IKZF2: variants seen among roughly 807,000 people sequenced by gnomAD.
The protein encoded by IKZF2 is IKAROS family zinc finger 2.
In IKZF2, 15 loss-of-function variants were observed where a neutral mutation model predicts 49.2. The observed-to-expected ratio is 0.30, with a 90% CI of 0.20 to 0.47. The LOEUF (loss-of-function observed/expected upper bound fraction) is 0.47, where lower values mean the gene tolerates loss of function less well. Ranked by LOEUF, IKZF2 falls within the 20% of genes least tolerant of loss-of-function variation. The pLI is 1.00. For synonymous variants in IKZF2, 227 were observed against 221.4 expected, an observed-to-expected ratio of 1.03 and a Z score of -0.23; for missense variants, 567 against 664.6, an observed-to-expected ratio of 0.85 and a Z score of 1.61.
intron 4 of IKZF2, among the ~76,000 whole-genome samples, chr2:213,143,901 G>T (rs1409927722): frequency 6.6e-6 from 1 of 151,896 alleles, no homozygotes; most frequent in Non-Finnish European, 1.5e-5. Flanking sequence ...ACCCTGAGAA[G>T]GTGACATTGT....
Position 213,000,644 on chromosome 2 carries a change from C to CTTA in IKZF2, c.*6713_*6715dup. 6.6e-6 allele frequency: 1 copy of CTTA among 150,414 alleles called. No homozygotes were observed. Among genetic ancestry groups the CTTA allele is most frequent in the South Asian group, 2.1e-4 (1 of 4,754 alleles). The allele number at this position is 150,414 out of a possible 1,614,324, so 9.3% of individuals were successfully genotyped here. ...ATATGTATAAGAAAAATACCTCTTA[C>CTTA]TTAAATTTGTATGAAAACAGGACTG... is the stretch of plus-strand genomic sequence containing the variant. On this transcript the variant is annotated 3_prime_UTR_variant, in exon 9 of 9. Coordinates refer to ENST00000434687, the MANE Select transcript of IKZF2 (RefSeq NM_001387220.1).
intron 4 of IKZF2, among the ~76,000 whole-genome samples, chr2:213,081,963 T>C (rs1465424239): frequency 6.6e-6 from 1 of 152,124 alleles, no homozygotes; most frequent in East Asian, 1.9e-4. Flanking sequence ...GGTCCTTAAA[T>C]AAGTTTAAAT....
At chr2:213,021,598 A>C (rs1271869428) in intron 7 of IKZF2, 2 of 341,324 alleles carry the variant, frequency 5.9e-6, no homozygotes, top group East Asian at 1.8e-4. Flanking sequence ...CATAAAAATT[A>C]AAGGGCCGAT....
At chr2:213,053,397 A>G (rs1700856890) in intron 5 of IKZF2, among the ~76,000 whole-genome samples, 1 of 152,148 alleles carries the variant, frequency 6.6e-6, no homozygotes, top group South Asian at 2.1e-4. Flanking sequence ...TCAATATTTT[A>G]TGTACCTTCA....
At chr2:213,068,994 C>T (rs1161987630) in intron 4 of IKZF2, among the ~76,000 whole-genome samples, 1 of 151,756 alleles carries the variant, frequency 6.6e-6, no homozygotes, top group Non-Finnish European at 1.5e-5. Flanking sequence ...ACAACCTTCA[C>T]AAAAAGCATA....
intron 8 of IKZF2, 144 bp downstream of exon 8, chr2:213,013,647 G>T: frequency 1.4e-6 from 1 of 691,676 alleles, no homozygotes; most frequent in Non-Finnish European, 2.4e-6. Context: ...CAGAATGTCA[G>T]AGAGTAAAAA....
chr2:213,142,396 C>A (rs1416575504), intron 4 of IKZF2, among the ~76,000 whole-genome samples: 1 of 151,792 alleles, frequency 6.6e-6, no homozygotes, highest in Non-Finnish European at 1.5e-5. Flanking sequence ...AGCAAAAGAC[C>A]CAGATTTCAA....
intron 6 of IKZF2, among the ~76,000 whole-genome samples, chr2:213,045,289 A>G (rs1700047219): frequency 6.6e-6 from 1 of 152,250 alleles, no homozygotes; most frequent in Admixed American, 6.5e-5. Context: ...TGCTAACTGT[A>G]GATGCAGTTT....
chr2:213,019,115 A>G (rs982099866), intron 7 of IKZF2, among the ~76,000 whole-genome samples: 1 of 152,172 alleles, frequency 6.6e-6, no homozygotes, highest in African/African-American at 2.4e-5. Flanking sequence ...ATGTTTTCTG[A>G]GTAAAGTGAA....
chr2:213,020,450 G>T (rs1697082912), intron 7 of IKZF2, among the ~76,000 whole-genome samples: 1 of 151,922 alleles, frequency 6.6e-6, no homozygotes, highest in Non-Finnish European at 1.5e-5. Context: ...GCCAGAGCAG[G>T]TTTGGCAGAC....
At chr2:213,092,428 T>G (rs1350038325) in intron 4 of IKZF2, among the ~76,000 whole-genome samples, 1 of 152,160 alleles carries the variant, frequency 6.6e-6, no homozygotes, top group Non-Finnish European at 1.5e-5. Context: ...TATAGCTGGC[T>G]AGAGTTCTCA....
intron 8 of IKZF2, among the ~76,000 whole-genome samples, chr2:213,010,374 A>C (rs1695815148): frequency 6.6e-6 from 1 of 152,056 alleles, no homozygotes; most frequent in Admixed American, 6.6e-5. Flanking sequence ...AGATCAGGGA[A>C]AGTGGGGTTT....
chr2:213,056,190 T>C (rs190532106), intron 5 of IKZF2, among the ~76,000 whole-genome samples: 20 of 152,244 alleles, frequency 1.3e-4, no homozygotes, highest in African/African-American at 4.8e-4. Flanking sequence ...TATGAATTAA[T>C]CTGTGGGCTT....
rs181953639 is a variant in IKZF2 at position 213,042,702 on chromosome 2, T to C, written c.574+7011A>G. 5.9e-5 allele frequency among the ~76,000 whole-genome samples: 9 copies of C among 152,186 alleles called. No homozygotes were observed. The East Asian group carries it at 1.7e-3, about 29-fold the overall frequency. Reference sequence around the variant, plus strand: ...AAATCTTTAAAAATGAATAGAAGTCTGACTGCTTCACAGGATCTTTAAGTT... The same window carrying C: ...AAATCTTTAAAAATGAATAGAAGTCCGACTGCTTCACAGGATCTTTAAGTT... On this transcript the variant is annotated intron_variant, in intron 6 of 8. Coordinates refer to ENST00000434687, the MANE Select transcript of IKZF2 (RefSeq NM_001387220.1).
chr2:213,049,261 T>G (rs1700454354), intron 6 of IKZF2, among the ~76,000 whole-genome samples: 1 of 152,040 alleles, frequency 6.6e-6, no homozygotes, highest in African/African-American at 2.4e-5. Flanking sequence ...GAGTATATTT[T>G]CAAGTTTAAA....
At position 213,022,045 on chromosome 2, in the gene IKZF2, G is replaced by C. The variant is rs545964411; in HGVS notation, c.660C>G (p.Asn220Lys). ...SLEEHKERCH[N>K]YLQNVSMEAA... ...CCTCCATGCTGACATTCTGGAGATA[G>C]TTGTGGCAGCGTTCCTTGTGCTCCT... The change falls in exon 7 of 9, where the codon AAC becomes AAG. Residue 220 changes from asparagine to lysine, a missense_variant. Coordinates refer to ENST00000434687, the MANE Select transcript of IKZF2 (RefSeq NM_001387220.1). 118 of 1,613,910 alleles carry C rather than the reference G, an allele frequency of 7.3e-5. 1 individual carries two copies. In the South Asian group the frequency reaches 1.1e-3, roughly 15 times the overall value.
At chr2:213,152,400 G>T (rs946097935), upstream of IKZF2, 6 of 152,228 alleles carry the variant, frequency 3.9e-5, no homozygotes, top group Admixed American at 1.3e-4. Context: ...GGGGTCCTGG[G>T]GAATAGACTG....
At chr2:213,119,871 T>C (rs1417316420) in intron 4 of IKZF2, among the ~76,000 whole-genome samples, 2 of 152,228 alleles carry the variant, frequency 1.3e-5, no homozygotes, top group Non-Finnish European at 2.9e-5. Context: ...AGTCAGTAAG[T>C]ACCTGGCAAA....
Position 213,049,880 on chromosome 2 carries a change from C to T in IKZF2, c.407G>A (p.Gly136Asp). ...CTGGTTACAGTGGAAGGGGCGTTCA[C>T]CTGCAGTAAGGAGAAGAAATGGGAA... Reference protein sequence around the residue: ...VLMVHKRSHTGERPFHCNQCG... With the variant: ...VLMVHKRSHTDERPFHCNQCG... Residue 136 changes from glycine (G) to aspartate (D), a missense_variant and splice_region_variant, in exon 6 of 9, where the codon GGT becomes GAT. Transcript: ENST00000434687. 6.4e-7 allele frequency: 1 copy of T among 1,553,908 alleles called. No homozygotes were observed. The highest frequency in any genetic ancestry group is 8.7e-7 in the Non-Finnish European group (1 of 1,143,956).
Sources: gnomAD v4.1 joint callset for allele counts (sites outside exome capture counted in the v4.1 genomes callset) on GRCh38, gnomAD v4.1.1 for gene constraint, MANE v1.5 for transcripts, NCBI Gene and HGNC (gene_info 2026-07-23, HGNC 2026-07-21) for gene names.